The following KIAA1328 variants were observed in gnomAD, a reference collection of about 807,000 sequenced individuals.
The protein encoded by KIAA1328 is protein hinderin.
Under a neutral mutation model 68.1 loss-of-function variants are expected in KIAA1328, and 52 were observed. The observed-to-expected ratio is 0.76, with a 90% CI of 0.61 to 0.96. The LOEUF (loss-of-function observed/expected upper bound fraction) is 0.96, where lower values mean the gene tolerates loss of function less well. Among genes scored for constraint, KIAA1328 ranks in the 40% least tolerant of loss-of-function variants. The pLI is 0.00. For synonymous variants in KIAA1328, 232 were observed against 239.4 expected (o/e 0.97, Z 0.28); for missense variants, 641 against 677.6 (o/e 0.95, Z 0.60).
At chr18:36,961,880 A>G (rs978568522) in intron 6 of KIAA1328, among the ~76,000 whole-genome samples, 1 of 152,230 alleles carries the variant, frequency 6.6e-6, no homozygotes, top group African/African-American at 2.4e-5. Context: ...TGTAAAGACC[A>G]TTGATGCTAT....
chr18:37,031,186 G>A (rs936909255), intron 6 of KIAA1328, among the ~76,000 whole-genome samples: 1 of 152,060 alleles, frequency 6.6e-6, no homozygotes, highest in African/African-American at 2.4e-5. Context: ...ATAATCCTTT[G>A]GGTATATACC....
intron 7 of KIAA1328, among the ~76,000 whole-genome samples, chr18:37,070,937 C>T (rs2056504071): frequency 6.6e-6 from 1 of 151,884 alleles, no homozygotes; most frequent in Non-Finnish European, 1.5e-5. Context: ...TTTACTTTCA[C>T]CCTATATATG....
intron 5 of KIAA1328, among the ~76,000 whole-genome samples, chr18:36,958,065 T>C (rs191740106): frequency 1.8e-3 from 270 of 152,300 alleles, no homozygotes; most frequent in Non-Finnish European, 3.1e-4. Flanking sequence ...ATATATGGCC[T>C]TTTGTGTCTG....
At chr18:37,019,521 C>T (rs2054267788) in intron 6 of KIAA1328, among the ~76,000 whole-genome samples, 1 of 152,360 alleles carries the variant, frequency 6.6e-6, no homozygotes, top group South Asian at 2.1e-4. Flanking sequence ...ATGGCAGGCA[C>T]AAGCACCAGT....
intron 4 of KIAA1328, among the ~76,000 whole-genome samples, chr18:36,868,871 G>A (rs995675694): frequency 2.6e-5 from 4 of 152,068 alleles, no homozygotes; most frequent in African/African-American, 9.7e-5. Context: ...AATAGAAAGT[G>A]TAGCACCATT....
At chr18:37,112,303 G>C (rs2057956510) in intron 7 of KIAA1328, among the ~76,000 whole-genome samples, 1 of 152,176 alleles carries the variant, frequency 6.6e-6, no homozygotes, top group African/African-American at 2.4e-5. Flanking sequence ...CATACAGTCG[G>C]GTGCCCCTCT....
In KIAA1328 at chr18:37,067,546, G is replaced by A. The variant is rs768850843; in HGVS notation, c.1232+1G>A. 121 of 1,514,846 alleles carry A rather than the reference G, an allele frequency of 8.0e-5. No homozygotes were observed. Among genetic ancestry groups the A allele is most frequent in the Non-Finnish European group, 1.0e-4 (116 of 1,137,330 alleles). The allele number at this position is 1,514,846 out of a possible 1,614,324, so 93.8% of individuals were successfully genotyped here. A position where few individuals can be genotyped will look rare whatever the true frequency, so the allele number is the denominator to read the frequency against. ...ACCAGTCTCGACTGGATTACAATTG[G>A]TGAGTACTGCCTGTTCTTTTTTTTT... On this transcript the variant is annotated splice_donor_variant, in intron 7 of 9. Transcript: ENST00000280020. LOFTEE classifies it high-confidence loss of function.
intron 5 of KIAA1328, among the ~76,000 whole-genome samples, chr18:36,954,013 T>TTTTTTTTTTTTG (rs2051290476): frequency 6.8e-6 from 1 of 147,248 alleles, no homozygotes; most frequent in Non-Finnish European, 1.5e-5. Flanking sequence ...TTTTTTTTTT[T>TTTTTTTTTTTTG]GAGACGGAGT....
intron 8 of KIAA1328, among the ~76,000 whole-genome samples, chr18:37,165,496 TGCAGCC>T (rs1334658864): frequency 3.1e-4 from 47 of 151,956 alleles, no homozygotes; most frequent in Admixed American, 2.8e-3. Flanking sequence ...ATCGGTTCAC[TGCAGCC>T]TCCACCTCCT....
chr18:36,931,161 TAAAG>T (rs1351545416), intron 5 of KIAA1328, among the ~76,000 whole-genome samples: 1 of 151,960 alleles, frequency 6.6e-6, no homozygotes, highest in Non-Finnish European at 1.5e-5. Flanking sequence ...TCCCAAACAA[TAAAG>T]AAATCTTTTG....
intron 7 of KIAA1328, among the ~76,000 whole-genome samples, chr18:37,072,221 T>A (rs1161351806): frequency 6.6e-6 from 1 of 152,068 alleles, no homozygotes; most frequent in Admixed American, 6.5e-5. Context: ...TTGCTTCATA[T>A]GAAAATGTTC....
At chr18:37,041,635 TGTGTTTG>T (rs1255029562) in intron 6 of KIAA1328, among the ~76,000 whole-genome samples, 2 of 70,362 alleles carry the variant, frequency 2.8e-5, no homozygotes. Context: ...CTGCCTTTTT[TGTGTTTG>T]TGTGTGTGTG....
intron 6 of KIAA1328, among the ~76,000 whole-genome samples, chr18:36,991,244 C>T (rs902965317): frequency 6.6e-6 from 1 of 152,124 alleles, no homozygotes; most frequent in Non-Finnish European, 1.5e-5. Flanking sequence ...TGCATTTTCT[C>T]TTATGGCTGC....
chr18:37,197,174 T>C (rs1168704591), intron 9 of KIAA1328, among the ~76,000 whole-genome samples: 3 of 152,086 alleles, frequency 2.0e-5, no homozygotes, highest in Non-Finnish European at 2.9e-5. Context: ...AAATGTTTCT[T>C]TTTTCATCTC....
chr18:37,020,279 C>T (rs773920810), intron 6 of KIAA1328, among the ~76,000 whole-genome samples: 17 of 152,116 alleles, frequency 1.1e-4, no homozygotes, highest in African/African-American at 3.9e-4. Flanking sequence ...CATGCCACCA[C>T]GCCTGGCTAA....
At chr18:37,195,147 A>G (rs1360804998) in intron 9 of KIAA1328, among the ~76,000 whole-genome samples, 2 of 152,126 alleles carry the variant, frequency 1.3e-5, no homozygotes, top group Non-Finnish European at 2.9e-5. Context: ...TTTGAACTAT[A>G]TTACTGTTAA....
chr18:36,953,002 C>CA (rs79491837), intron 5 of KIAA1328, among the ~76,000 whole-genome samples: 61 of 137,926 alleles, frequency 4.4e-4, no homozygotes, highest in Middle Eastern at 3.7e-3. Flanking sequence ...AAACCAAAAC[C>CA]AAAAAAAAAA....
intron 7 of KIAA1328, among the ~76,000 whole-genome samples, chr18:37,103,695 A>C (rs546846461): frequency 1.8e-4 from 27 of 152,290 alleles, no homozygotes; most frequent in African/African-American, 5.5e-4. Context: ...CAAAGGAAAC[A>C]ATCAACAGAA....
intron 6 of KIAA1328, among the ~76,000 whole-genome samples, chr18:37,025,721 G>A (rs912581665): frequency 6.6e-6 from 1 of 152,154 alleles, no homozygotes; most frequent in Non-Finnish European, 1.5e-5. Flanking sequence ...CATATTCAAA[G>A]CAGTGTGTAG....
Sources: gnomAD v4.1 joint callset for allele counts (sites outside exome capture counted in the v4.1 genomes callset) on GRCh38, gnomAD v4.1.1 for gene constraint, MANE v1.5 for transcripts, NCBI Gene and HGNC (gene_info 2026-07-23, HGNC 2026-07-21) for gene names.